EFCAB8: variants seen among roughly 807,000 people sequenced by gnomAD.
The protein encoded by EFCAB8 is EF-hand calcium-binding domain-containing protein 8.
In EFCAB8, 100 loss-of-function variants were observed where a neutral mutation model predicts 116.3. The observed-to-expected ratio is 0.86, with a 90% CI of 0.73 to 1.02. The LOEUF is 1.02. EFCAB8 is among the 50% of genes least tolerant of loss of function. EFCAB8 has a pLI of 0.00. For synonymous variants in EFCAB8, 558 were observed against 567.9 expected (o/e 0.98, Z 0.25); for missense variants, 1,320 against 1,416.9 (o/e 0.93, Z 1.10).
chr20:32,881,883 G>A (rs774995810), intron 5 of EFCAB8, among the ~76,000 whole-genome samples: 7 of 152,184 alleles, frequency 4.6e-5, no homozygotes, highest in South Asian at 2.1e-4. Context: ...TTCTGACAAC[G>A]TTTTAAAACA....
Position 32,878,745 on chromosome 20 carries a change from AGAG to A in EFCAB8, c.372_374del (p.Glu124del). On this transcript the variant is annotated inframe_deletion, in exon 5 of 27. Coordinates refer to ENST00000400522, the MANE Select transcript of EFCAB8 (RefSeq NM_001143967.2). ...ACATGATGCGTGAGTTCCAGGGAAA[AGAG>A]GACATGCGAAAGAGCCAGTACCGCC... 6.4e-7 allele frequency: 1 copy of A among 1,551,970 alleles called. No individual in the cohort carries two copies.
At chr20:32,960,005 G>C in intron 25 of EFCAB8, 23 bp downstream of exon 25, 2 of 1,551,528 alleles carry the variant, frequency 1.3e-6, no homozygotes, top group Non-Finnish European at 1.7e-6. Flanking sequence ...GGGGAGCACA[G>C]GGAGGAGTGC....
At chr20:32,928,561 T>C (rs1987763326) in intron 20 of EFCAB8, among the ~76,000 whole-genome samples, 1 of 152,234 alleles carries the variant, frequency 6.6e-6, no homozygotes, top group East Asian at 1.9e-4. Flanking sequence ...ATGTGTTGAC[T>C]TTGTATCCTG....
intron 14 of EFCAB8, among the ~76,000 whole-genome samples, chr20:32,908,874 G>T (rs765470389): frequency 1.3e-5 from 2 of 152,236 alleles, no homozygotes; most frequent in Non-Finnish European, 2.9e-5. Flanking sequence ...GGGAAACTGA[G>T]TCACAGATAG....
intron 1 of EFCAB8, among the ~76,000 whole-genome samples, chr20:32,863,181 G>A (rs1413355728): frequency 3.9e-5 from 6 of 152,098 alleles, no homozygotes. Flanking sequence ...CTCTTGCCTG[G>A]TGGGACTTGC....
chr20:32,892,186 C>A (rs1985952345), intron 7 of EFCAB8, 27 bp from the exon 8 acceptor site: 1 of 1,545,358 alleles, frequency 6.5e-7, no homozygotes, highest in African/African-American at 1.4e-5. Context: ...GCTGTGGGCT[C>A]TATGTGGCCT....
chr20:32,908,645 C>T (rs987056830), intron 14 of EFCAB8, among the ~76,000 whole-genome samples: 1 of 152,222 alleles, frequency 6.6e-6, no homozygotes, highest in African/African-American at 2.4e-5. Flanking sequence ...CTGCACTGTC[C>T]CCACTCAGGC....
intron 11 of EFCAB8, among the ~76,000 whole-genome samples, chr20:32,899,274 A>G (rs1354733083): frequency 4.0e-5 from 6 of 151,064 alleles, no homozygotes; most frequent in Non-Finnish European, 8.8e-5. Context: ...GCGTGGTGGT[A>G]AGCACCTGTA....
chr20:32,885,063 C>T (rs1985540361), intron 5 of EFCAB8, among the ~76,000 whole-genome samples: 1 of 152,190 alleles, frequency 6.6e-6, no homozygotes, highest in Admixed American at 6.5e-5. Context: ...CCCCCTCTAC[C>T]CCAGAGCACT....
intron 20 of EFCAB8, among the ~76,000 whole-genome samples, chr20:32,924,321 C>T (rs551654124): frequency 4.2e-4 from 64 of 152,294 alleles, no homozygotes; most frequent in African/African-American, 1.4e-3. Flanking sequence ...GCCTTGGCCT[C>T]CCAAAGTGCT....
intron 23 of EFCAB8, among the ~76,000 whole-genome samples, chr20:32,948,074 C>T (rs996446143): frequency 9.9e-5 from 15 of 151,212 alleles, no homozygotes; most frequent in African/African-American, 3.4e-4. Context: ...ATAGTTAAAT[C>T]GATAAACCTC....
rs191366291 is a variant in EFCAB8 at position 32,879,774 on chromosome 20, G to A, written c.431+967G>A. Among the ~76,000 whole-genome samples the A allele has an allele frequency of 9.2e-5, 14 of 152,228 alleles. No individual in the cohort carries two copies. The East Asian group carries it at 1.5e-3, about 17-fold the overall frequency. On this transcript the variant is annotated intron_variant, in intron 5 of 26. Coordinates refer to ENST00000400522, the MANE Select transcript of EFCAB8 (RefSeq NM_001143967.2). ...CACCCCTCACATGAGTCTTATGACC[G>A]GCTTCAGGGGAAGGTCAGACAGTCC...
At chr20:32,881,258 G>A (rs1288751935) in intron 5 of EFCAB8, among the ~76,000 whole-genome samples, 1 of 152,118 alleles carries the variant, frequency 6.6e-6, no homozygotes, top group Non-Finnish European at 1.5e-5. Context: ...ATGCAGTGGT[G>A]CGGTCTTAGC....
chr20:32,906,699 C>T, intron 12 of EFCAB8, 70 bp downstream of exon 12: 1 of 718,832 alleles, frequency 1.4e-6, no homozygotes, highest in Non-Finnish European at 2.6e-6. Context: ...ACCACCAGAG[C>T]TCAGGAGAGG....
At position 32,885,578 on chromosome 20, in the gene EFCAB8, G is replaced by A; in HGVS notation, c.505G>A (p.Val169Ile). Reference protein sequence around the residue: ...RFKKIGCFLTVTKDGILQFWS... With the variant: ...RFKKIGCFLTITKDGILQFWS... ...CAAGAAGATCGGGTGTTTCCTGACT[G>A]TCACCAAAGACGGGATCCTGCAGTT... Residue 169 changes from valine (V) to isoleucine (I), a missense_variant, in exon 6 of 27, where the codon GTC (valine) becomes ATC (isoleucine). Coordinates refer to ENST00000400522, the MANE Select transcript of EFCAB8 (RefSeq NM_001143967.2). 6.4e-7 allele frequency: 1 copy of A among 1,551,750 alleles called. No individual in the cohort carries two copies. Among genetic ancestry groups the A allele is most frequent in the African/African-American group, 1.4e-5 (1 of 73,172 alleles).
At chr20:32,926,360 A>AT (rs980292316) in intron 20 of EFCAB8, among the ~76,000 whole-genome samples, 2 of 150,954 alleles carry the variant, frequency 1.3e-5, no homozygotes, top group Non-Finnish European at 1.5e-5. Context: ...TGCACGTTAA[A>AT]TTTTTTTTTA....
intron 22 of EFCAB8, among the ~76,000 whole-genome samples, chr20:32,932,402 A>G: frequency 6.6e-6 from 1 of 152,154 alleles, no homozygotes; most frequent in South Asian, 2.1e-4. Flanking sequence ...TCAGTACTAC[A>G]CTTATATACG....
chr20:32,940,251 G>C (rs1171944071), intron 22 of EFCAB8, among the ~76,000 whole-genome samples: 1 of 149,208 alleles, frequency 6.7e-6, no homozygotes, highest in Non-Finnish European at 1.5e-5. Context: ...ATAGAATTTA[G>C]AGTTAAAAAA....
intron 9 of EFCAB8, 144 bp from the exon 10 acceptor site, chr20:32,896,308 CAG>C: frequency 1.6e-6 from 1 of 626,268 alleles, no homozygotes; most frequent in Non-Finnish European, 2.9e-6. Flanking sequence ...CACCAGGACA[CAG>C]TGAGGTGCCA....
Sources: allele counts gnomAD v4.1 joint callset (sites outside exome capture counted in the v4.1 genomes callset), GRCh38; gene constraint gnomAD v4.1.1; transcripts MANE v1.5; gene names NCBI Gene and HGNC (gene_info 2026-07-23, HGNC 2026-07-21).